Variants in ZRANB3 observed in about 807,000 individuals in gnomAD.
The protein encoded by ZRANB3 is zinc finger RANBP2-type containing 3, also known as DNA annealing helicase and endonuclease ZRANB3.
A neutral mutation model predicts 133.8 loss-of-function variants in ZRANB3; 125 were observed. The observed-to-expected ratio is 0.93, with a 90% CI of 0.81 to 1.08. The LOEUF is 1.08. Ranked by LOEUF, ZRANB3 falls within the 50% of genes least tolerant of loss-of-function variation. The pLI, the probability that ZRANB3 is intolerant of heterozygous loss-of-function variation, is 0.00. For synonymous variants in ZRANB3, 387 were observed against 432.7 expected, an observed-to-expected ratio of 0.89 and a Z score of 1.31; for missense variants, 1,229 against 1,275.5, an observed-to-expected ratio of 0.96 and a Z score of 0.56.
chr2:135,425,916 T>G (rs1400879889), intron 2 of ZRANB3, among the ~76,000 whole-genome samples: 1 of 151,620 alleles, frequency 6.6e-6, no homozygotes, highest in Non-Finnish European at 1.5e-5. Flanking sequence ...GGGATTGGTT[T>G]TTTGAAAGAA....
At chr2:135,286,899 T>G (rs982592821) in intron 8 of ZRANB3, among the ~76,000 whole-genome samples, 1 of 152,236 alleles carries the variant, frequency 6.6e-6, no homozygotes. Flanking sequence ...CTGCTCCTTT[T>G]GCTGTGCAGA....
At chr2:135,224,654 A>G (rs1694688889) in intron 14 of ZRANB3, 137 bp from the exon 15 acceptor site, 2 of 549,152 alleles carry the variant, frequency 3.6e-6, no homozygotes, top group Non-Finnish European at 6.1e-6. Flanking sequence ...GTAATTGTCT[A>G]GGCTTGAAAT....
chr2:135,332,371 C>T (rs569136653), intron 6 of ZRANB3, among the ~76,000 whole-genome samples: 2 of 152,184 alleles, frequency 1.3e-5, no homozygotes, highest in African/African-American at 2.4e-5. Context: ...CCCCTTAGGG[C>T]TTCTCGTTTT....
chr2:135,311,685 A>C (rs967833393), intron 8 of ZRANB3, among the ~76,000 whole-genome samples: 7 of 152,084 alleles, frequency 4.6e-5, no homozygotes, highest in African/African-American at 1.7e-4. Context: ...AGGTGTTCGA[A>C]ACTGCAGTGA....
chr2:135,423,571 C>T (rs941507186), intron 2 of ZRANB3, among the ~76,000 whole-genome samples: 2 of 152,228 alleles, frequency 1.3e-5, no homozygotes, highest in Admixed American at 1.3e-4. Context: ...AAGAAAGTCA[C>T]ATTCCCAGGT....
Position 135,363,207 on chromosome 2 carries a change from T to C in ZRANB3, c.181-9579A>G, listed in dbSNP as rs570563447. Among the ~76,000 whole-genome samples, 49 of 152,292 alleles carry C rather than the reference T, an allele frequency of 3.2e-4. No individual in the cohort carries two copies. In the South Asian group the frequency reaches 9.9e-3, roughly 31 times the overall value. On this transcript the variant is annotated intron_variant, in intron 3 of 20. Transcript: ENST00000264159. ...TATTTGAGACAGGATCTCGCACTGT[T>C]GCCCAGGCTGGAGTGCAGTGGCATG...
chr2:135,201,956 G>A (rs964011394), intron 20 of ZRANB3, among the ~76,000 whole-genome samples: 5 of 152,066 alleles, frequency 3.3e-5, no homozygotes, highest in Admixed American at 2.0e-4. Flanking sequence ...TTGTGACTCC[G>A]TGATTTTTAC....
chr2:135,360,578 A>G (rs1460628665), intron 3 of ZRANB3, among the ~76,000 whole-genome samples: 8 of 150,866 alleles, frequency 5.3e-5, no homozygotes, highest in Admixed American at 2.0e-4. Context: ...GGTGGTGAGC[A>G]CCTGTAGTCC....
At chr2:135,338,936 T>A (rs1424414855) in intron 6 of ZRANB3, among the ~76,000 whole-genome samples, 1 of 152,138 alleles carries the variant, frequency 6.6e-6, no homozygotes, top group East Asian at 1.9e-4. Flanking sequence ...CTAGAATAAA[T>A]GTATGGGCTT....
intron 2 of ZRANB3, among the ~76,000 whole-genome samples, chr2:135,417,003 A>C (rs1220960040): frequency 1.3e-5 from 2 of 152,204 alleles, no homozygotes; most frequent in East Asian, 3.8e-4. Flanking sequence ...AAACCATAAA[A>C]ACCCTAGAAG....
chr2:135,273,803 C>G (rs1680654321), intron 9 of ZRANB3, among the ~76,000 whole-genome samples: 1 of 152,130 alleles, frequency 6.6e-6, no homozygotes, highest in Non-Finnish European at 1.5e-5. Flanking sequence ...TCCCAAAGTG[C>G]TGGGATTACA....
At chr2:135,299,918 G>T (rs1682348461) in intron 8 of ZRANB3, among the ~76,000 whole-genome samples, 1 of 152,098 alleles carries the variant, frequency 6.6e-6, no homozygotes, top group South Asian at 2.1e-4. Flanking sequence ...AAGTTATGAA[G>T]CAAAGAAAAG....
intron 2 of ZRANB3, among the ~76,000 whole-genome samples, chr2:135,502,973 G>A (rs1693012839): frequency 6.6e-6 from 1 of 152,090 alleles, no homozygotes; most frequent in Non-Finnish European, 1.5e-5. Flanking sequence ...ATTTTAAGAA[G>A]TTTTTCATAA....
chr2:135,336,507 T>TA (rs1458763955), intron 6 of ZRANB3, among the ~76,000 whole-genome samples: 1 of 151,888 alleles, frequency 6.6e-6, no homozygotes, highest in East Asian at 1.9e-4. Context: ...TGAGCTGAGT[T>TA]AGAGTCTATG....
intron 2 of ZRANB3, among the ~76,000 whole-genome samples, chr2:135,487,758 G>C (rs1692187662): frequency 6.6e-6 from 1 of 152,158 alleles, no homozygotes; most frequent in South Asian, 2.1e-4. Flanking sequence ...ATTAGGCTTT[G>C]GTATACGGGA....
intron 2 of ZRANB3, among the ~76,000 whole-genome samples, chr2:135,455,874 A>T (rs916847063): frequency 6.6e-6 from 1 of 151,988 alleles, no homozygotes; most frequent in African/African-American, 2.4e-5. Flanking sequence ...GATTACAGGC[A>T]TGAGCCACCG....
intron 2 of ZRANB3, among the ~76,000 whole-genome samples, chr2:135,473,710 C>T (rs1212887921): frequency 1.3e-5 from 2 of 152,124 alleles, no homozygotes; most frequent in Non-Finnish European, 2.9e-5. Context: ...TTAAATAGAA[C>T]CAAGGTCATT....
At chr2:135,361,677 G>A (rs868131561) in intron 3 of ZRANB3, among the ~76,000 whole-genome samples, 4 of 152,148 alleles carry the variant, frequency 2.6e-5, no homozygotes, top group African/African-American at 9.7e-5. Context: ...TGTTATAAAA[G>A]AGATTGCTTT....
At chr2:135,309,462 T>C (rs1394115592) in intron 8 of ZRANB3, among the ~76,000 whole-genome samples, 4 of 152,184 alleles carry the variant, frequency 2.6e-5, no homozygotes, top group Admixed American at 2.0e-4. Flanking sequence ...AATGTCTTTA[T>C]GTGCAGACAA....
Sources: gnomAD v4.1 joint callset for allele counts (sites outside exome capture counted in the v4.1 genomes callset) on GRCh38, gnomAD v4.1.1 for gene constraint, MANE v1.5 for transcripts, NCBI Gene and HGNC (gene_info 2026-07-23, HGNC 2026-07-21) for gene names.